LIN9: variants seen among roughly 807,000 people sequenced by gnomAD.
LIN9 encodes protein lin-9 homolog.
LIN9 carries 18 observed loss-of-function variants against 78.0 expected under a neutral mutation model. The ratio of observed to expected loss-of-function variants is 0.23; its 90% confidence interval spans 0.16 to 0.34. The LOEUF is 0.34. Ranked by LOEUF, LIN9 falls within the 10% of genes least tolerant of loss-of-function variation. The probability of loss-of-function intolerance (pLI) is 1.00; values close to 1 mark genes in which losing one functional copy is unlikely to be tolerated. For missense variants in LIN9, 451 were observed against 644.1 expected (o/e 0.70, Z 3.25); for synonymous variants, 192 against 215.2 (o/e 0.89, Z 0.94).
chr1:226,254,105 T>C (rs558226722), intron 10 of LIN9, among the ~76,000 whole-genome samples: 31 of 152,220 alleles, frequency 2.0e-4, no homozygotes, highest in Non-Finnish European at 3.5e-4. Context: ...CTAATTTTTG[T>C]ATTTTTTTGT....
At chr1:226,253,280 AAG>A (rs1658962566) in intron 10 of LIN9, among the ~76,000 whole-genome samples, 1 of 150,656 alleles carries the variant, frequency 6.6e-6, no homozygotes, top group Admixed American at 6.6e-5. Context: ...AAAAAAAAAA[AAG>A]AGAAAGAAAG....
intron 2 of LIN9, among the ~76,000 whole-genome samples, chr1:226,299,726 T>C (rs1662396506): frequency 6.6e-6 from 1 of 152,138 alleles, no homozygotes. Flanking sequence ...ATATTTAGCT[T>C]GGTTCCAAAT....
chr1:226,275,343 G>GT (rs1262366091), intron 7 of LIN9, among the ~76,000 whole-genome samples: 6 of 152,156 alleles, frequency 3.9e-5, no homozygotes, highest in African/African-American at 1.4e-4. Context: ...CCTATAGGCC[G>GT]TAAGTTTGCT....
At chr1:226,303,873 T>C (rs1662727116) in intron 1 of LIN9, among the ~76,000 whole-genome samples, 1 of 152,244 alleles carries the variant, frequency 6.6e-6, no homozygotes, top group Non-Finnish European at 1.5e-5. Context: ...CCCAAAGTGC[T>C]GGGATTATAG....
intron 6 of LIN9, 62 bp from the exon 7 acceptor site, chr1:226,277,994 T>C (rs1273217450): frequency 7.4e-7 from 1 of 1,351,660 alleles, no homozygotes; most frequent in Non-Finnish European, 1.0e-6. Context: ...CTTAAAATCT[T>C]TTTTTTTTCT....
chr1:226,233,734 A>C (rs1657503320), intron 12 of LIN9, among the ~76,000 whole-genome samples: 1 of 152,208 alleles, frequency 6.6e-6, no homozygotes, highest in African/African-American at 2.4e-5. Context: ...CAAACTTCTA[A>C]AAAAAGTTAA....
intron 10 of LIN9, among the ~76,000 whole-genome samples, chr1:226,254,793 C>A (rs987737389): frequency 6.6e-6 from 1 of 151,886 alleles, no homozygotes; most frequent in African/African-American, 2.4e-5. Context: ...TGACTGTAGT[C>A]CCAGCTACTC....
Position 226,237,104 on chromosome 1 carries a change from CACTTT to C in LIN9, c.1245+1862_1245+1866del, listed in dbSNP as rs374789471. ...CATAAGAGCTTTGAGAAGATTAAAT[CACTTT>C]ACTTCATTAGGAAAGGAGCCTATCA... is the stretch of plus-strand genomic sequence containing the variant. On this transcript the variant is annotated intron_variant, in intron 12 of 14. Coordinates refer to ENST00000681046, the MANE Select transcript of LIN9 (RefSeq NM_001366245.2). Among the ~76,000 whole-genome samples the C allele has an allele frequency of 5.8e-4, 89 of 152,232 alleles. No homozygotes were observed. The South Asian group carries it at 7.2e-3, about 12-fold the overall frequency.
At chr1:226,302,949 T>G (rs1662656014) in intron 1 of LIN9, among the ~76,000 whole-genome samples, 1 of 151,894 alleles carries the variant, frequency 6.6e-6, no homozygotes, top group South Asian at 2.1e-4. Flanking sequence ...CAGACACCTA[T>G]TAGCATTAAA....
At chr1:226,252,026 G>A (rs1398528856) in intron 10 of LIN9, among the ~76,000 whole-genome samples, 1 of 152,030 alleles carries the variant, frequency 6.6e-6, no homozygotes, top group Non-Finnish European at 1.5e-5. Flanking sequence ...AGGCCAAGGC[G>A]GGAAGATCAC....
intron 1 of LIN9, among the ~76,000 whole-genome samples, chr1:226,303,395 G>A (rs1662686899): frequency 6.6e-6 from 1 of 152,052 alleles, no homozygotes; most frequent in Non-Finnish European, 1.5e-5. Context: ...AGAAGAAGAA[G>A]AATACGCAGG....
intron 1 of LIN9, among the ~76,000 whole-genome samples, chr1:226,306,785 C>G (rs993405170): frequency 6.6e-6 from 1 of 152,158 alleles, no homozygotes; most frequent in Non-Finnish European, 1.5e-5. Flanking sequence ...TTTCCAGTAT[C>G]AAATTGAAAT....
Position 226,268,109 on chromosome 1 carries a change from C to T in LIN9, c.683-19G>A, listed in dbSNP as rs1192249819. 10 of 1,609,536 alleles carry T rather than the reference C, an allele frequency of 6.2e-6. No homozygotes were observed. Among genetic ancestry groups the T allele is most frequent in the Non-Finnish European group, 8.5e-6 (10 of 1,177,724 alleles). On this transcript the variant is annotated intron_variant, in intron 7 of 14. Transcript: ENST00000681046. The stretch of plus-strand genomic sequence containing the variant: ...AATCGTGCTGAGAAAAGAACAAAGG[C>T]ATTATGATGTGTGGGAGATACAAAG...
chr1:226,301,384 TAAAG>T (rs1229336436), intron 1 of LIN9, among the ~76,000 whole-genome samples, 179 bp from the exon 2 acceptor site: 1 of 152,066 alleles, frequency 6.6e-6, no homozygotes, highest in East Asian at 1.9e-4. Context: ...AGAACTCAGA[TAAAG>T]AAAGAACTGG....
intron 3 of LIN9, 35 bp from the exon 4 acceptor site, chr1:226,295,981 C>A (rs763803117): frequency 1.3e-5 from 18 of 1,415,370 alleles, no homozygotes; most frequent in Non-Finnish European, 1.6e-5. Context: ...ATGAAAAAGC[C>A]GAACCCTCCC....
intron 4 of LIN9, among the ~76,000 whole-genome samples, chr1:226,288,432 G>GTTTT (rs1478013825): frequency 6.6e-6 from 1 of 152,098 alleles, no homozygotes; most frequent in East Asian, 1.9e-4. Flanking sequence ...TCATAACACT[G>GTTTT]TTTTGAAGGA....
At position 226,235,664 on chromosome 1, in the gene LIN9, A is replaced by C. The variant is rs565872878; in HGVS notation, c.1246-2141T>G. ...GGAGCATTTCAGACTTGGGATGCTC[A>C]ACCTATGCTATGTTCAAGCTATCTG... is the stretch of plus-strand genomic sequence containing the variant. On this transcript the variant is annotated intron_variant, in intron 12 of 14. Coordinates refer to ENST00000681046, the MANE Select transcript of LIN9 (RefSeq NM_001366245.2). 1.5e-4 allele frequency among the ~76,000 whole-genome samples: 23 copies of C among 151,142 alleles called. No individual in the cohort carries two copies. In the South Asian group the frequency reaches 1.7e-3, roughly 11 times the overall value.
intron 2 of LIN9, among the ~76,000 whole-genome samples, chr1:226,299,145 T>A (rs1386663298): frequency 6.6e-6 from 1 of 152,174 alleles, no homozygotes; most frequent in Non-Finnish European, 1.5e-5. Flanking sequence ...TTTCTTCTAG[T>A]GGCTCATCAG....
upstream of LIN9, chr1:226,309,259 T>A: frequency 8.2e-7 from 1 of 1,218,760 alleles, no homozygotes; most frequent in Non-Finnish European, 1.0e-6. Flanking sequence ...CGCGCTGCGC[T>A]GCTCCCGCCG....
Sources: allele counts gnomAD v4.1 joint callset (sites outside exome capture counted in the v4.1 genomes callset), GRCh38; gene constraint gnomAD v4.1.1; transcripts MANE v1.5; gene names NCBI Gene and HGNC (gene_info 2026-07-23, HGNC 2026-07-21).